Variants in LRRK1 observed in about 807,000 individuals in gnomAD.
LRRK1 encodes the protein leucine-rich repeat serine/threonine-protein kinase 1.
A neutral mutation model predicts 209.1 loss-of-function variants in LRRK1; 113 were observed. The ratio of observed to expected loss-of-function variants is 0.54; its 90% CI spans 0.46 to 0.63. The LOEUF (loss-of-function observed/expected upper bound fraction) is 0.63. LRRK1 is among the 30% of genes least tolerant of loss of function. The pLI, the probability that LRRK1 is intolerant of heterozygous loss-of-function variation, is 0.00. For synonymous variants in LRRK1, 1,144 were observed against 1,099.7 expected (o/e 1.04, Z -0.80); for missense variants, 2,284 against 2,632.2 (o/e 0.87, Z 2.89).
chr15:100,978,894 T>G (rs2031448835), intron 3 of LRRK1, among the ~76,000 whole-genome samples: 1 of 152,056 alleles, frequency 6.6e-6, no homozygotes, highest in Admixed American at 6.5e-5. Flanking sequence ...AACACTTTTA[T>G]GAAGGCTGTA....
chr15:101,048,408 G>C, intron 21 of LRRK1, 86 bp from the exon 22 acceptor site: 1 of 1,219,922 alleles, frequency 8.2e-7, no homozygotes, highest in Non-Finnish European at 1.1e-6. Context: ...TATCAAGATG[G>C]GGCCCAGCCC....
intron 2 of LRRK1, among the ~76,000 whole-genome samples, chr15:100,963,277 G>T (rs533493345): frequency 1.4e-4 from 21 of 152,180 alleles, no homozygotes; most frequent in African/African-American, 5.1e-4. Context: ...TCTGATGGCC[G>T]CATCCGAGCC....
chr15:101,029,723 C>T (rs986677823), intron 20 of LRRK1, among the ~76,000 whole-genome samples: 1 of 152,070 alleles, frequency 6.6e-6, no homozygotes, highest in African/African-American at 2.4e-5. Flanking sequence ...CAAAAATTAG[C>T]CGGGCATGGT....
chr15:101,058,664 G>T (rs1422144595), intron 29 of LRRK1, among the ~76,000 whole-genome samples: 38 of 149,478 alleles, frequency 2.5e-4, no homozygotes, highest in African/African-American at 9.1e-4. Context: ...AAGGGAGAGA[G>T]GGGCAGAGGC....
chr15:101,019,090 A>G (rs2033667872), intron 12 of LRRK1, among the ~76,000 whole-genome samples: 1 of 152,214 alleles, frequency 6.6e-6, no homozygotes, highest in Admixed American at 6.5e-5. Context: ...GTTCTTAAAT[A>G]CCTTGAACTG....
At chr15:101,008,310 T>C (rs1374432442) in intron 6 of LRRK1, among the ~76,000 whole-genome samples, 1 of 152,192 alleles carries the variant, frequency 6.6e-6, no homozygotes, top group Non-Finnish European at 1.5e-5. Flanking sequence ...ATCGTCTGTC[T>C]GTATCTCAGG....
intron 2 of LRRK1, among the ~76,000 whole-genome samples, chr15:100,964,933 A>G (rs1241329122): frequency 1.3e-5 from 2 of 152,212 alleles, no homozygotes; most frequent in East Asian, 3.8e-4. Flanking sequence ...TTTTATTCCA[A>G]TGATTGGGAC....
chr15:101,054,863 CAA>C, intron 26 of LRRK1, 81 bp from the exon 27 acceptor site: 3 of 1,223,788 alleles, frequency 2.5e-6, no homozygotes, highest in Non-Finnish European at 3.5e-6. Flanking sequence ...GATCGGAAGA[CAA>C]AAAGACAGTT....
chr15:100,923,493 A>G (rs879657946), intron 1 of LRRK1, among the ~76,000 whole-genome samples: 13 of 152,212 alleles, frequency 8.5e-5, no homozygotes, highest in Non-Finnish European at 1.5e-4. Context: ...ACTTCATCAC[A>G]TGTAGGATAT....
intron 2 of LRRK1, among the ~76,000 whole-genome samples, chr15:100,937,131 T>G (rs2042313112): frequency 6.6e-6 from 1 of 152,234 alleles, no homozygotes; most frequent in South Asian, 2.1e-4. Flanking sequence ...GCAATACAAT[T>G]TTTAGATAGT....
intron 2 of LRRK1, among the ~76,000 whole-genome samples, chr15:100,954,350 T>A (rs1248848403): frequency 6.2e-5 from 1 of 16,258 alleles, no homozygotes; most frequent in Non-Finnish European, 1.2e-4. Flanking sequence ...TCAAGTTATT[T>A]AGCTTTTTTT....
chr15:101,058,617 C>CAGG (rs1555479975), intron 29 of LRRK1, among the ~76,000 whole-genome samples: 4 of 75,366 alleles, frequency 5.3e-5, no homozygotes, highest in African/African-American at 3.1e-4. Flanking sequence ...GAAGGGGCAA[C>CAGG]GGGGGGGGGC....
chr15:100,973,931 G>C lies in LRRK1; in HGVS notation c.225G>C (p.Glu75Asp). 7.9e-7 allele frequency: 1 copy of C among 1,263,016 alleles called. No individual in the cohort carries two copies. The highest frequency in any genetic ancestry group is 1.0e-6 in the Non-Finnish European group (1 of 998,408). The allele number at this position is 1,263,016 out of a possible 1,614,324, so 78.2% of individuals were successfully genotyped here. The change falls in exon 3 of 34, where the codon GAG becomes GAC. Residue 75 changes from glutamate to aspartate, a missense_variant. Physicochemically the swap from Glu to Asp is conservative, Grantham distance 45 (BLOSUM62 2). Around this residue, in one of 6 missense-constraint regions of LRRK1, gnomAD observed 174 missense variants for 133.5 expected, o/e 1.30. Transcript: ENST00000388948. ...GCGGCGGCGCCCGGGACCTGCTGGA[G>C]GAGGCCTGCGACCAGTGCGCGTCCC... is the stretch of plus-strand genomic sequence containing the variant. ...GDRGGARDLL[E>D]EACDQCASQL...
At chr15:101,028,415 G>A (rs1422160747) in intron 19 of LRRK1, among the ~76,000 whole-genome samples, 2 of 152,154 alleles carry the variant, frequency 1.3e-5, no homozygotes, top group East Asian at 3.8e-4. Flanking sequence ...TCACGCTTAG[G>A]GAACTACACA....
intron 6 of LRRK1, among the ~76,000 whole-genome samples, chr15:101,000,035 A>C (rs2032613473): frequency 2.0e-5 from 3 of 152,268 alleles, no homozygotes; most frequent in South Asian, 2.1e-4. Context: ...ATTTTTTAAC[A>C]GACATGCTAT....
At chr15:100,954,614 G>T (rs568365799) in intron 2 of LRRK1, among the ~76,000 whole-genome samples, 2 of 152,266 alleles carry the variant, frequency 1.3e-5, no homozygotes, top group African/African-American at 4.8e-5. Flanking sequence ...TCTCCTAGGA[G>T]TTTTACTGTT....
chr15:101,009,930 G>A (rs939349946), intron 7 of LRRK1, among the ~76,000 whole-genome samples: 2 of 152,162 alleles, frequency 1.3e-5, no homozygotes, highest in South Asian at 4.1e-4. Flanking sequence ...TTCCATAAAG[G>A]GTTGAATCGA....
chr15:100,969,188 A>C (rs1388973854), intron 2 of LRRK1, among the ~76,000 whole-genome samples: 5 of 152,130 alleles, frequency 3.3e-5, no homozygotes, highest in Non-Finnish European at 7.3e-5. Context: ...GAGTTATACG[A>C]GTTTTTATAT....
chr15:100,990,864 T>C (rs1209822580), intron 6 of LRRK1, among the ~76,000 whole-genome samples: 3 of 152,232 alleles, frequency 2.0e-5, no homozygotes, highest in African/African-American at 7.2e-5. Context: ...GTTCATCTTC[T>C]CCTTTCTGGT....
Sources: allele counts gnomAD v4.1 joint callset (sites outside exome capture counted in the v4.1 genomes callset), GRCh38; gene constraint gnomAD v4.1.1; regional missense constraint gnomAD v4.1.1; transcripts MANE v1.5; gene names NCBI Gene and HGNC (gene_info 2026-07-23, HGNC 2026-07-21).